DCLK3: variants seen among roughly 807,000 people sequenced by gnomAD.
DCLK3 encodes the protein serine/threonine-protein kinase DCLK3.
In DCLK3, 30 loss-of-function variants were observed where a neutral mutation model predicts 46.4. That is an observed-to-expected ratio of 0.65 (90% CI 0.48 to 0.88). The LOEUF is 0.88. DCLK3 is among the 40% of genes least tolerant of loss of function. The pLI is 0.00. For missense variants in DCLK3, 846 were observed against 907.1 expected (o/e 0.93, Z 0.87); for synonymous variants, 401 against 339.2 (o/e 1.18, Z -2.00).
intron 2 of DCLK3, among the ~76,000 whole-genome samples, chr3:36,728,980 A>G (rs1701159053): frequency 6.6e-6 from 1 of 152,074 alleles, no homozygotes; most frequent in Non-Finnish European, 1.5e-5. Flanking sequence ...AGCCCCTGAA[A>G]CAGAATCTGC....
chr3:36,734,951 C>A (rs1298752007), intron 2 of DCLK3, among the ~76,000 whole-genome samples: 2 of 152,244 alleles, frequency 1.3e-5, no homozygotes, highest in East Asian at 3.8e-4. Flanking sequence ...CAAATGAGAG[C>A]TTCTATTGCC....
chr3:36,760,976 G>C (rs1031232898), intron 1 of DCLK3, among the ~76,000 whole-genome samples: 2 of 152,208 alleles, frequency 1.3e-5, no homozygotes, highest in African/African-American at 2.4e-5. Flanking sequence ...TGAGGGGCCA[G>C]AGCCCAAATG....
chr3:36,736,671 C>A (rs1701266738), intron 2 of DCLK3, among the ~76,000 whole-genome samples: 1 of 152,204 alleles, frequency 6.6e-6, no homozygotes, highest in Non-Finnish European at 1.5e-5. Flanking sequence ...AAGGACTTAT[C>A]TAAGAGCAAG....
intron 1 of DCLK3, among the ~76,000 whole-genome samples, chr3:36,758,766 C>T (rs7620657): frequency 0.7 from 106,123 of 152,120 alleles, 37,528 homozygotes; most frequent in African/African-American, 0.81. Context: ...TATCACAGGC[C>T]AATGAGAAAA....
chr3:36,739,529 G>A (rs1390026329), intron 1 of DCLK3, among the ~76,000 whole-genome samples: 1 of 152,192 alleles, frequency 6.6e-6, no homozygotes, highest in Non-Finnish European at 1.5e-5. Context: ...TACATCAGGG[G>A]TTTCCGCTTT....
chr3:36,730,102 C>T (rs1015954312), intron 2 of DCLK3, among the ~76,000 whole-genome samples: 3 of 151,842 alleles, frequency 2.0e-5, no homozygotes, highest in East Asian at 1.9e-4. Flanking sequence ...GTCTGGAAGG[C>T]GGAGGTTGCA....
At chr3:36,751,949 C>A (rs1701445464) in intron 1 of DCLK3, among the ~76,000 whole-genome samples, 1 of 152,172 alleles carries the variant, frequency 6.6e-6, no homozygotes, top group African/African-American at 2.4e-5. Flanking sequence ...TCTATTTCTG[C>A]CCCCAAATTT....
In DCLK3 at chr3:36,738,417, C is replaced by T; in HGVS notation, c.750G>A (p.Glu250=). The change falls in exon 2 of 5, where the codon GAG becomes GAA. Residue 250 remains glutamate (E), a synonymous_variant. Coordinates refer to ENST00000636136, the MANE Select transcript of DCLK3 (RefSeq NM_001394672.2). ...TCGCTCTGTCATCTAGTGAAAGCTC[C>T]TCGGGGATCTTCCCCTGGTGCCTCA... The part of the protein sequence containing the change: ...AAMRHQGKIP[E]ELSLDDRART... 6 of 1,479,154 alleles carry T rather than the reference C, an allele frequency of 4.1e-6. No homozygotes were observed. Among genetic ancestry groups the T allele is most frequent in the Non-Finnish European group, 5.4e-6 (6 of 1,116,226 alleles). 91.6% of individuals were successfully genotyped at this position (1,479,154 alleles called of 1,614,324 possible). A position where few individuals can be genotyped will look rare whatever the true frequency, so the allele number is the denominator to read the frequency against.
chr3:36,723,603 G>A (rs200818878), intron 2 of DCLK3, among the ~76,000 whole-genome samples: 57 of 152,126 alleles, frequency 3.7e-4, no homozygotes, highest in Admixed American at 7.2e-4. Context: ...CCTCCCAGCC[G>A]CTCCAGCCAT....
intron 4 of DCLK3, among the ~76,000 whole-genome samples, chr3:36,717,545 A>C (rs1700999286): frequency 6.6e-6 from 1 of 152,246 alleles, no homozygotes; most frequent in African/African-American, 2.4e-5. Context: ...GGCCAAAAGC[A>C]GGGAGGACCA....
chr3:36,756,976 C>T (rs1044640900), intron 1 of DCLK3, among the ~76,000 whole-genome samples: 1 of 151,678 alleles, frequency 6.6e-6, no homozygotes, highest in Non-Finnish European at 1.5e-5. Flanking sequence ...ATGCCTGAGA[C>T]CAGGAGAGAG....
intron 2 of DCLK3, among the ~76,000 whole-genome samples, chr3:36,729,259 G>C (rs911002135): frequency 2.1e-5 from 3 of 142,578 alleles, no homozygotes; most frequent in South Asian, 4.7e-4. Context: ...GGGGGGGGGG[G>C]GTACAAAAGC....
Position 36,764,096 on chromosome 3 carries a change from G to T in DCLK3, c.82+86C>A. The T allele has an allele frequency of 3.7e-6, 1 of 267,714 alleles. No individual in the cohort carries two copies. Among genetic ancestry groups the T allele is most frequent in the Non-Finnish European group, 7.1e-6 (1 of 141,336 alleles). The allele number at this position is 267,714 out of a possible 1,614,324, so 16.6% of individuals were successfully genotyped here. On this transcript the variant is annotated intron_variant, in intron 1 of 4. Transcript: ENST00000636136. This position sits in a 1 kb window ranked among gnomAD's most constrained non-coding sequence, Gnocchi z 4.9. Reference sequence around the variant, plus strand: ...CTGCTGCTACATCCCGCACGGAGCGGGGTCCAGAGTTAGGGCGAATGAGTC... The same window carrying T: ...CTGCTGCTACATCCCGCACGGAGCGTGGTCCAGAGTTAGGGCGAATGAGTC...
Position 36,751,897 on chromosome 3 carries a change from A to G in DCLK3, c.82+12285T>C, listed in dbSNP as rs577248769. Among the ~76,000 whole-genome samples the G allele has an allele frequency of 6.6e-5, 10 of 152,364 alleles. No individual in the cohort carries two copies. The East Asian group carries it at 1.3e-3, about 21-fold the overall frequency. ...ACAGACTATTGGTTGGGTCATCAGAATGCGCTGGGTGATCATCCAAGCATG... is the reference window on the plus strand; with the variant it reads ...ACAGACTATTGGTTGGGTCATCAGAGTGCGCTGGGTGATCATCCAAGCATG... On this transcript the variant is annotated intron_variant, in intron 1 of 4. Transcript: ENST00000636136.
intron 3 of DCLK3, 73 bp downstream of exon 3, chr3:36,721,454 C>A: frequency 6.4e-7 from 1 of 1,557,864 alleles, no homozygotes; most frequent in Non-Finnish European, 8.7e-7. Flanking sequence ...ATATTGAAAA[C>A]TAGTAAATAT....
chr3:36,717,997 C>G lies in DCLK3; in HGVS notation c.2260+13G>C, dbSNP rs371145113. The G allele has an allele frequency of 7.4e-6, 12 of 1,613,860 alleles. No individual in the cohort carries two copies. In the African/African-American group the frequency reaches 1.2e-4, roughly 16 times the overall value. On this transcript the variant is annotated intron_variant, in intron 4 of 4. Transcript: ENST00000636136. ...TCCGCTCCTCTGCTGTGTGAGGAAG[C>G]CCCAAATCTCACCATCAGAGATATT...
intron 2 of DCLK3, among the ~76,000 whole-genome samples, chr3:36,730,865 G>A (rs747135081): frequency 6.6e-6 from 1 of 151,960 alleles, no homozygotes; most frequent in Non-Finnish European, 1.5e-5. Context: ...AAGATGTGAG[G>A]AGCAAGTTTT....
chr3:36,739,258 C>T (rs566029245), intron 1 of DCLK3, among the ~76,000 whole-genome samples, 174 bp from the exon 2 acceptor site: 1 of 152,144 alleles, frequency 6.6e-6, no homozygotes, highest in Admixed American at 6.5e-5. Context: ...TTCCCAGTCT[C>T]CTCTACACCA....
intron 3 of DCLK3, among the ~76,000 whole-genome samples, chr3:36,720,500 T>G (rs1701040985): frequency 8.8e-6 from 1 of 113,232 alleles, no homozygotes; most frequent in Admixed American, 1.2e-4. Context: ...TGTCATCTCC[T>G]CATCTTTTTT....
Sources: allele counts gnomAD v4.1 joint callset (sites outside exome capture counted in the v4.1 genomes callset), GRCh38; gene constraint gnomAD v4.1.1; non-coding constraint Gnocchi (gnomAD v3.1); transcripts MANE v1.5; gene names NCBI Gene and HGNC (gene_info 2026-07-23, HGNC 2026-07-21).